Variants in DLGAP1 observed in about 807,000 individuals in gnomAD.
DLGAP1 encodes the protein DLG associated protein 1.
Under a neutral mutation model 90.8 loss-of-function variants are expected in DLGAP1, and 11 were observed. The observed-to-expected ratio is 0.12, with a 90% CI of 0.08 to 0.20. DLGAP1 has a LOEUF of 0.20. Among genes scored for constraint, DLGAP1 ranks in the 10% least tolerant of loss-of-function variants. The pLI is 1.00. For synonymous variants in DLGAP1, 558 were observed against 540.7 expected (o/e 1.03, Z -0.44); for missense variants, 1,050 against 1,333.8 (o/e 0.79, Z 3.31).
chr18:3,968,447 G>A (rs2073374678), intron 3 of DLGAP1, among the ~76,000 whole-genome samples: 1 of 152,072 alleles, frequency 6.6e-6, no homozygotes, highest in Admixed American at 6.6e-5. Context: ...AAGACCTGCT[G>A]AATAAAATGG....
chr18:4,257,712 C>CCTCCCAG (rs1213822641), intron 1 of DLGAP1, among the ~76,000 whole-genome samples: 6 of 150,192 alleles, frequency 4.0e-5, no homozygotes, highest in Admixed American at 1.3e-4. Context: ...GCAACCTCCA[C>CCTCCCAG]CTCCCAGGTT....
rs2082175965 is a variant in DLGAP1 at position 4,383,670 on chromosome 18, TCA to T, written c.-267+71334_-267+71335del. On this transcript the variant is annotated intron_variant, in intron 1 of 12. Coordinates refer to ENST00000315677, the MANE Select transcript of DLGAP1 (RefSeq NM_004746.4). This position sits in a 1 kb window ranked among gnomAD's most constrained non-coding sequence, Gnocchi z 4.0. ...ATGTAGAATGCGAAGTGATTAAACA[TCA>T]CAGATTATTATACTTCCTTTTGATA... Among the ~76,000 whole-genome samples, 1 of 152,088 alleles carries T rather than the reference TCA, an allele frequency of 6.6e-6. No homozygotes were observed. Among genetic ancestry groups the T allele is most frequent in the African/African-American group, 2.4e-5 (1 of 41,414 alleles).
intron 7 of DLGAP1, among the ~76,000 whole-genome samples, chr18:3,677,570 G>C (rs1456726805): frequency 6.6e-6 from 1 of 152,246 alleles, no homozygotes. Flanking sequence ...CAGCTAAATA[G>C]ACAGAGATCC....
chr18:4,365,270 T>G (rs1234474322), intron 1 of DLGAP1, among the ~76,000 whole-genome samples: 1 of 152,142 alleles, frequency 6.6e-6, no homozygotes, highest in Admixed American at 6.5e-5. Context: ...AACAGTACCC[T>G]AAGCTTCTAC....
intron 1 of DLGAP1, among the ~76,000 whole-genome samples, chr18:4,223,553 A>G (rs2078123407): frequency 6.6e-6 from 1 of 152,218 alleles, no homozygotes; most frequent in African/African-American, 2.4e-5. Flanking sequence ...ACATAGTTAG[A>G]AAAGTGTGGT....
At chr18:4,254,171 C>A (rs937840544) in intron 1 of DLGAP1, among the ~76,000 whole-genome samples, 2 of 152,158 alleles carry the variant, frequency 1.3e-5, no homozygotes, top group South Asian at 2.1e-4. Context: ...CTTCCTCTTA[C>A]GAATTTGGAA....
chr18:4,319,910 C>T (rs1280521630), intron 1 of DLGAP1, among the ~76,000 whole-genome samples: 1 of 152,120 alleles, frequency 6.6e-6, no homozygotes, highest in Non-Finnish European at 1.5e-5. Context: ...ATTCTGAGGC[C>T]TCTCCAACCA....
intron 4 of DLGAP1, among the ~76,000 whole-genome samples, chr18:3,821,140 T>C (rs1003043966): frequency 6.6e-6 from 1 of 151,918 alleles, no homozygotes; most frequent in Non-Finnish European, 1.5e-5. Context: ...TTTTTAAATG[T>C]AGCTGGTGTG....
intron 1 of DLGAP1, among the ~76,000 whole-genome samples, chr18:4,451,838 GTTTC>G (rs1286043230): frequency 1.3e-5 from 2 of 151,952 alleles, no homozygotes. Flanking sequence ...TTGTGATAGT[GTTTC>G]TTTAAAATAA....
At chr18:4,282,137 G>T (rs2079566347) in intron 1 of DLGAP1, among the ~76,000 whole-genome samples, 1 of 152,260 alleles carries the variant, frequency 6.6e-6, no homozygotes, top group African/African-American at 2.4e-5. Flanking sequence ...GGCCGAGGCG[G>T]GCGGATCACG....
intron 3 of DLGAP1, among the ~76,000 whole-genome samples, chr18:3,962,602 C>T (rs2073225574): frequency 6.6e-6 from 1 of 152,096 alleles, no homozygotes; most frequent in Non-Finnish European, 1.5e-5. Context: ...TTCTGAAATT[C>T]CTATTTGATA....
At chr18:3,673,790 C>G (rs2060186323) in intron 7 of DLGAP1, among the ~76,000 whole-genome samples, 1 of 151,678 alleles carries the variant, frequency 6.6e-6, no homozygotes, top group Non-Finnish European at 1.5e-5. Flanking sequence ...AGGTGATCAG[C>G]CTGCCTCGGC....
chr18:4,240,204 C>T (rs2078502880), intron 1 of DLGAP1, among the ~76,000 whole-genome samples: 1 of 152,082 alleles, frequency 6.6e-6, no homozygotes, highest in African/African-American at 2.4e-5. Flanking sequence ...TGTTTATATG[C>T]ATTTTTTAAA....
chr18:4,401,608 T>C lies in DLGAP1; in HGVS notation c.-267+53398A>G, dbSNP rs115942195. On this transcript the variant is annotated intron_variant, in intron 1 of 12. Coordinates refer to ENST00000315677, the MANE Select transcript of DLGAP1 (RefSeq NM_004746.4). Reference sequence around the variant, plus strand: ...TTAAAAAGCATAATCCCGTTGATCATAGGGAAGTTGATCCACTTCCCTATG... The same window carrying C: ...TTAAAAAGCATAATCCCGTTGATCACAGGGAAGTTGATCCACTTCCCTATG... Among the ~76,000 whole-genome samples the C allele has an allele frequency of 2.8e-3, 430 of 152,304 alleles. 3 individuals carry two copies. Among genetic ancestry groups the C allele is most frequent in the African/African-American group, 0.01 (419 of 41,556 alleles).
In DLGAP1 at chr18:3,988,907, G is replaced by C. The variant is rs183017279; in HGVS notation, c.-73+16209C>G. Among the ~76,000 whole-genome samples, 17 of 152,336 alleles carry C rather than the reference G, an allele frequency of 1.1e-4. 2 individuals carry two copies. Among genetic ancestry groups the C allele is most frequent in the African/African-American group, 4.1e-4 (17 of 41,582 alleles). ...GTGCTCAGACATTTCCTGAGCTCCA[G>C]CTCCTGACTGCCGTGGCTTAACTGG... On this transcript the variant is annotated intron_variant, in intron 3 of 12. Transcript: ENST00000315677.
intron 9 of DLGAP1, among the ~76,000 whole-genome samples, chr18:3,545,103 G>A (rs1047516427): frequency 1.3e-5 from 2 of 151,830 alleles, no homozygotes; most frequent in African/African-American, 4.8e-5. Flanking sequence ...GTGAAACTCT[G>A]TCTCTACTAA....
intron 8 of DLGAP1, among the ~76,000 whole-genome samples, chr18:3,575,521 A>G (rs544462094): frequency 1.8e-4 from 28 of 152,322 alleles, no homozygotes; most frequent in African/African-American, 6.5e-4. Context: ...AGACTAAAAG[A>G]CAATGTAACC....
chr18:3,620,491 G>A (rs2058055820), intron 7 of DLGAP1, among the ~76,000 whole-genome samples: 1 of 152,048 alleles, frequency 6.6e-6, no homozygotes, highest in Non-Finnish European at 1.5e-5. Context: ...AGCAGCAATA[G>A]GAAAGCATAC....
chr18:4,184,524 A>G (rs2077259209), intron 1 of DLGAP1, among the ~76,000 whole-genome samples: 1 of 152,074 alleles, frequency 6.6e-6, no homozygotes, highest in African/African-American at 2.4e-5. Context: ...AATCTATTCA[A>G]TAAATCGGTA....
Sources: gnomAD v4.1 joint callset for allele counts (sites outside exome capture counted in the v4.1 genomes callset) on GRCh38, gnomAD v4.1.1 for gene constraint, Gnocchi (gnomAD v3.1) non-coding constraint, MANE v1.5 for transcripts, NCBI Gene and HGNC (gene_info 2026-07-23, HGNC 2026-07-21) for gene names.